The following NR3C2 variants were observed in gnomAD, a reference collection of about 807,000 sequenced individuals.
NR3C2 encodes the protein mineralocorticoid receptor.
NR3C2 carries 15 observed loss-of-function variants against 86.4 expected under a neutral mutation model. The observed-to-expected ratio is 0.17, with a 90% CI of 0.12 to 0.27. The LOEUF is 0.27. Among genes scored for constraint, NR3C2 ranks in the 10% least tolerant of loss-of-function variants. NR3C2 has a pLI of 1.00. For synonymous variants in NR3C2, 458 were observed against 450.5 expected (o/e 1.02, Z -0.21); for missense variants, 960 against 1,195.6 (o/e 0.80, Z 2.91).
intron 3 of NR3C2, among the ~76,000 whole-genome samples, chr4:148,223,738 CA>C (rs1737990913): frequency 6.6e-6 from 1 of 152,112 alleles, no homozygotes; most frequent in African/African-American, 2.4e-5. Flanking sequence ...GCTGATTTTT[CA>C]TAAAGAACAA....
intron 8 of NR3C2, among the ~76,000 whole-genome samples, chr4:148,113,457 C>A (rs557105636): frequency 9.2e-5 from 14 of 152,020 alleles, no homozygotes; most frequent in Admixed American, 2.0e-4. Flanking sequence ...ATCTGAGGGC[C>A]TTCCCTGGTC....
chr4:148,171,296 A>C (rs1490620624), intron 4 of NR3C2, among the ~76,000 whole-genome samples: 1 of 152,224 alleles, frequency 6.6e-6, no homozygotes, highest in Non-Finnish European at 1.5e-5. Context: ...ATTAAACATG[A>C]CTGCAATGTG....
Position 148,325,410 on chromosome 4 carries a change from T to C in NR3C2, c.1758-65293A>G, listed in dbSNP as rs143849300. Reference sequence around the variant, plus strand: ...TGTATGTGTGTTTTAACTTCTCTCTTTTTTTAATCTCTAGTACTTTGTCCC... The same window carrying C: ...TGTATGTGTGTTTTAACTTCTCTCTCTTTTTAATCTCTAGTACTTTGTCCC... On this transcript the variant is annotated intron_variant, in intron 2 of 8. Coordinates refer to ENST00000358102, the MANE Select transcript of NR3C2 (RefSeq NM_000901.5). Among the ~76,000 whole-genome samples the C allele has an allele frequency of 1.7e-3, 258 of 152,340 alleles. 3 individuals carry two copies. The highest frequency in any genetic ancestry group is 0.01 in the South Asian group (50 of 4,830).
At chr4:148,397,801 C>T (rs1334906955) in intron 2 of NR3C2, among the ~76,000 whole-genome samples, 1 of 152,086 alleles carries the variant, frequency 6.6e-6, no homozygotes, top group African/African-American at 2.4e-5. Context: ...TTTCAATAAA[C>T]CTAAAATATC....
chr4:148,197,737 A>C (rs1736505885), intron 3 of NR3C2, among the ~76,000 whole-genome samples: 1 of 152,144 alleles, frequency 6.6e-6, no homozygotes, highest in Admixed American at 6.5e-5. Flanking sequence ...AGGATAGGAG[A>C]GTTGTAAGAG....
Position 148,315,709 on chromosome 4 carries a change from T to C in NR3C2, c.1758-55592A>G, listed in dbSNP as rs59361362. Among the ~76,000 whole-genome samples, 1,191 of 152,252 alleles carry C rather than the reference T, an allele frequency of 7.8e-3. 14 individuals are homozygous for C. The highest frequency in any genetic ancestry group is 0.026 in the African/African-American group (1,098 of 41,556). On this transcript the variant is annotated intron_variant, in intron 2 of 8. Coordinates refer to ENST00000358102, the MANE Select transcript of NR3C2 (RefSeq NM_000901.5). ...AGACTTACGTATTCTGTTTGAAAAA[T>C]TAGAATAAACTCTTTAGCCAAAGAA... is the stretch of plus-strand genomic sequence containing the variant.
intron 2 of NR3C2, among the ~76,000 whole-genome samples, chr4:148,399,474 A>G (rs987151658): frequency 5.3e-5 from 8 of 152,040 alleles, no homozygotes; most frequent in Non-Finnish European, 1.0e-4. Flanking sequence ...ATAATGATAA[A>G]ACAAATATCT....
intron 2 of NR3C2, among the ~76,000 whole-genome samples, chr4:148,377,774 A>AGACT (rs140180573): frequency 0.018 from 2,738 of 152,224 alleles, 30 homozygotes; most frequent in Middle Eastern, 0.041. Context: ...TAGTTTCCTG[A>AGACT]GACTTTATTT....
At chr4:148,327,147 T>C (rs2149963352) in intron 2 of NR3C2, among the ~76,000 whole-genome samples, 1 of 152,292 alleles carries the variant, frequency 6.6e-6, no homozygotes, top group South Asian at 2.1e-4. Context: ...AGGGTATTAA[T>C]CTTCAATAAT....
chr4:148,167,443 G>A (rs996929021), intron 4 of NR3C2, among the ~76,000 whole-genome samples: 1 of 152,112 alleles, frequency 6.6e-6, no homozygotes, highest in African/African-American at 2.4e-5. Context: ...AGCCTTTAGT[G>A]ATTTTTTTCG....
At chr4:148,082,792 C>T (rs1293668080) in intron 8 of NR3C2, among the ~76,000 whole-genome samples, 3 of 151,898 alleles carry the variant, frequency 2.0e-5, no homozygotes, top group South Asian at 2.1e-4. Context: ...CCCACCACCA[C>T]GGAGCCTAGC....
At chr4:148,399,935 A>C (rs1413711484) in intron 2 of NR3C2, among the ~76,000 whole-genome samples, 1 of 152,220 alleles carries the variant, frequency 6.6e-6, no homozygotes, top group Non-Finnish European at 1.5e-5. Flanking sequence ...TTTCTACTTT[A>C]ATGTCTTCCA....
At chr4:148,107,911 C>T (rs1731875322) in intron 8 of NR3C2, among the ~76,000 whole-genome samples, 1 of 152,010 alleles carries the variant, frequency 6.6e-6, no homozygotes, top group Non-Finnish European at 1.5e-5. Context: ...GGCTTAAAAC[C>T]TAGATGATGG....
At chr4:148,130,976 G>A (rs1055644282) in intron 6 of NR3C2, among the ~76,000 whole-genome samples, 3 of 151,448 alleles carry the variant, frequency 2.0e-5, no homozygotes, top group Admixed American at 6.6e-5. Context: ...GACTACAGGC[G>A]CCCGCCACAA....
intron 2 of NR3C2, among the ~76,000 whole-genome samples, chr4:148,314,132 G>A (rs1398198016): frequency 1.3e-5 from 2 of 152,148 alleles, no homozygotes; most frequent in South Asian, 4.2e-4. Flanking sequence ...AACCACAAAA[G>A]GACTATATTG....
At chr4:148,222,958 G>C (rs2149829474) in intron 3 of NR3C2, among the ~76,000 whole-genome samples, 1 of 150,648 alleles carries the variant, frequency 6.6e-6, no homozygotes, top group South Asian at 2.1e-4. Flanking sequence ...AAGAGGGAGA[G>C]GAGAAACAGC....
intron 2 of NR3C2, among the ~76,000 whole-genome samples, chr4:148,294,970 G>A (rs79689763): frequency 0.039 from 5,998 of 152,208 alleles, 374 homozygotes; most frequent in African/African-American, 0.13. Flanking sequence ...CTGGGAGACA[G>A]AGTGAGGCCC....
chr4:148,097,741 G>GTT lies in NR3C2; in HGVS notation c.2800-16244_2800-16243dup, dbSNP rs1180902227. ...TTAAAACATGATGAGACTTTTTTGC[G>GTT]TTTTTTTTTGTTTTTTTTTTTTTTT... On this transcript the variant is annotated intron_variant, in intron 8 of 8. Coordinates refer to ENST00000358102, the MANE Select transcript of NR3C2 (RefSeq NM_000901.5). 8.8e-3 allele frequency among the ~76,000 whole-genome samples: 943 copies of GTT among 107,386 alleles called. 71 individuals carry two copies. Among genetic ancestry groups the GTT allele is most frequent in the African/African-American group, 0.032 (739 of 23,018 alleles). 70.4% of individuals were successfully genotyped at this position (107,386 alleles called of 152,430 possible).
chr4:148,149,226 T>C (rs2149761426), intron 6 of NR3C2, among the ~76,000 whole-genome samples: 1 of 152,338 alleles, frequency 6.6e-6, no homozygotes, highest in African/African-American at 2.4e-5. Flanking sequence ...TTCATTCTAA[T>C]AATTACATCA....
Sources: gnomAD v4.1 joint callset for allele counts (sites outside exome capture counted in the v4.1 genomes callset) on GRCh38, gnomAD v4.1.1 for gene constraint, MANE v1.5 for transcripts, NCBI Gene and HGNC (gene_info 2026-07-23, HGNC 2026-07-21) for gene names.